ALCAM: variants seen among roughly 807,000 people sequenced by gnomAD.
The protein encoded by ALCAM is activated leukocyte cell adhesion molecule, also known as CD166 antigen.
Under a neutral mutation model 70.9 loss-of-function variants are expected in ALCAM, and 30 were observed. The ratio of observed to expected loss-of-function variants is 0.42; its 90% CI spans 0.32 to 0.57. ALCAM has a LOEUF of 0.57. Among genes scored for constraint, ALCAM ranks in the 20% least tolerant of loss-of-function variants. The probability of loss-of-function intolerance (pLI) is 0.11; values close to 1 mark genes in which losing one functional copy is unlikely to be tolerated. For missense variants in ALCAM, 591 were observed against 695.1 expected, an observed-to-expected ratio of 0.85 and a Z score of 1.68; for synonymous variants, 249 against 242.5, an observed-to-expected ratio of 1.03 and a Z score of -0.25.
rs555703852 is a variant in ALCAM, at chr3:105,412,490, T to C, written c.73+45009T>C. 3.3e-5 allele frequency among the ~76,000 whole-genome samples: 5 copies of C among 152,266 alleles called. No individual in the cohort carries two copies. In the East Asian group the frequency reaches 9.7e-4, roughly 29 times the overall value. The stretch of plus-strand genomic sequence containing the variant: ...AATTTTATACTCAAATCTAGTAAAA[T>C]TAGCGATCCATATGGACTTCATTTT... On this transcript the variant is annotated intron_variant, in intron 1 of 15. Coordinates refer to ENST00000306107, the MANE Select transcript of ALCAM (RefSeq NM_001627.4).
chr3:105,382,222 G>C (rs996226853), intron 1 of ALCAM, among the ~76,000 whole-genome samples: 2 of 151,822 alleles, frequency 1.3e-5, no homozygotes, highest in African/African-American at 4.8e-5. Flanking sequence ...AGTTTACTGA[G>C]AATGATGATT....
At chr3:105,430,837 A>T (rs971157302) in intron 1 of ALCAM, among the ~76,000 whole-genome samples, 7 of 152,094 alleles carry the variant, frequency 4.6e-5, no homozygotes, top group Non-Finnish European at 8.8e-5. Flanking sequence ...CTTCCATTTT[A>T]AAATGTATTT....
chr3:105,547,606 T>C (rs1410996842), intron 11 of ALCAM, 83 bp downstream of exon 11: 1 of 1,507,924 alleles, frequency 6.6e-7, no homozygotes, highest in Non-Finnish European at 8.9e-7. Flanking sequence ...TAGGTTGGTT[T>C]GTTACCACAT....
At chr3:105,393,703 G>C (rs1020459793) in intron 1 of ALCAM, among the ~76,000 whole-genome samples, 5 of 151,838 alleles carry the variant, frequency 3.3e-5, no homozygotes, top group Non-Finnish European at 7.4e-5. Flanking sequence ...TGGAAAACCA[G>C]CATTTGGAAA....
chr3:105,405,258 C>G (rs1238894284), intron 1 of ALCAM, among the ~76,000 whole-genome samples: 1 of 63,856 alleles, frequency 1.6e-5, no homozygotes, highest in East Asian at 6.0e-4. Context: ...GCCTGGACAA[C>G]AAGAGCAAAA....
At chr3:105,455,102 G>A (rs994258042) in intron 1 of ALCAM, among the ~76,000 whole-genome samples, 2 of 152,076 alleles carry the variant, frequency 1.3e-5, no homozygotes, top group Non-Finnish European at 2.9e-5. Context: ...TTATTTATAA[G>A]CTTGGTTATA....
chr3:105,400,252 A>C (rs1294525762), intron 1 of ALCAM, among the ~76,000 whole-genome samples: 1 of 152,138 alleles, frequency 6.6e-6, no homozygotes, highest in Admixed American at 6.6e-5. Flanking sequence ...AGTATTTGAA[A>C]GCTTCTAATC....
At chr3:105,505,486 C>T (rs1417211541) in intron 1 of ALCAM, among the ~76,000 whole-genome samples, 5 of 152,264 alleles carry the variant, frequency 3.3e-5, no homozygotes, top group African/African-American at 1.2e-4. Context: ...CCTCTTCCAG[C>T]ATTGGGGATT....
intron 3 of ALCAM, chr3:105,525,048 A>G (rs1026331800): frequency 5.8e-6 from 5 of 868,446 alleles, no homozygotes; most frequent in Admixed American, 6.3e-5. Context: ...AATATTTTAT[A>G]TATTATATAT....
At chr3:105,469,903 A>G (rs1012142774) in intron 1 of ALCAM, among the ~76,000 whole-genome samples, 2 of 150,850 alleles carry the variant, frequency 1.3e-5, no homozygotes, top group African/African-American at 4.8e-5. Flanking sequence ...TGGAACTTAA[A>G]TTCCCTGGCT....
At chr3:105,447,697 G>A (rs188186355) in intron 1 of ALCAM, among the ~76,000 whole-genome samples, 3 of 152,322 alleles carry the variant, frequency 2.0e-5, no homozygotes, top group Non-Finnish European at 2.9e-5. Flanking sequence ...GGGTGACAGA[G>A]CAAGAAACTG....
intron 1 of ALCAM, among the ~76,000 whole-genome samples, chr3:105,457,126 G>A (rs1937544093): frequency 6.6e-6 from 1 of 152,090 alleles, no homozygotes. Flanking sequence ...TATGCTAAAG[G>A]ACTTAATATT....
chr3:105,380,358 G>A (rs1469799021), intron 1 of ALCAM, among the ~76,000 whole-genome samples: 2 of 151,722 alleles, frequency 1.3e-5, no homozygotes, highest in Non-Finnish European at 3.0e-5. Flanking sequence ...AAATTTAAAT[G>A]GTTTCAATTT....
At chr3:105,372,746 G>C (rs951013155) in intron 1 of ALCAM, among the ~76,000 whole-genome samples, 5 of 152,112 alleles carry the variant, frequency 3.3e-5, no homozygotes, top group Non-Finnish European at 7.4e-5. Flanking sequence ...CAGCTTCTCT[G>C]ATTTGCTTCT....
chr3:105,371,017 C>T (rs1207151508), intron 1 of ALCAM, among the ~76,000 whole-genome samples: 1 of 152,098 alleles, frequency 6.6e-6, no homozygotes, highest in East Asian at 1.9e-4. Flanking sequence ...ATAGAAAATA[C>T]TAATATTTTT....
chr3:105,561,808 A>G (rs972640265), intron 14 of ALCAM, among the ~76,000 whole-genome samples: 6 of 152,204 alleles, frequency 3.9e-5, no homozygotes, highest in Non-Finnish European at 7.3e-5. Context: ...CAAGGGAAAA[A>G]CAAATAGGGC....
chr3:105,483,279 A>T (rs1371156169), intron 1 of ALCAM, among the ~76,000 whole-genome samples: 1 of 152,164 alleles, frequency 6.6e-6, no homozygotes, highest in Non-Finnish European at 1.5e-5. Flanking sequence ...AAATATTTGC[A>T]GAGTGCCTAC....
intron 7 of ALCAM, among the ~76,000 whole-genome samples, chr3:105,540,909 T>A (rs1328610897): frequency 6.6e-6 from 1 of 152,044 alleles, no homozygotes; most frequent in Non-Finnish European, 1.5e-5. Flanking sequence ...CAGAAAACTT[T>A]GTTTCTCCCA....
At chr3:105,493,904 C>T (rs776429593) in intron 1 of ALCAM, among the ~76,000 whole-genome samples, 3 of 152,104 alleles carry the variant, frequency 2.0e-5, no homozygotes, top group African/African-American at 2.4e-5. Context: ...GAAATAAGGG[C>T]CATTATTATC....
Sources: allele counts gnomAD v4.1 joint callset (sites outside exome capture counted in the v4.1 genomes callset), GRCh38; gene constraint gnomAD v4.1.1; transcripts MANE v1.5; gene names NCBI Gene and HGNC (gene_info 2026-07-23, HGNC 2026-07-21).